The following CENATAC variants were observed in gnomAD, a reference collection of about 807,000 sequenced individuals.
CENATAC encodes the protein coiled-coil domain containing 84.
A neutral mutation model predicts 53.7 loss-of-function variants in CENATAC; 53 were observed. The observed-to-expected ratio is 0.99, with a 90% confidence interval of 0.79 to 1.24. The LOEUF (loss-of-function observed/expected upper bound fraction) is 1.24. CENATAC is among the 50% of genes most tolerant of loss of function. CENATAC has a pLI of 0.00. For missense variants in CENATAC, 474 were observed against 417.8 expected (o/e 1.13, Z -1.17); for synonymous variants, 156 against 144.6 (o/e 1.08, Z -0.57).
Position 119,015,723 on chromosome 11 carries a change from A to G in CENATAC, c.*125A>G, listed in dbSNP as rs1318478856. ...GACATACTCATTCATTTGATTTAAT[A>G]AAGTTTTATTTTTCCAAATGTACAG... is the stretch of plus-strand genomic sequence containing the variant. On this transcript the variant is annotated 3_prime_UTR_variant, in exon 11 of 11. Coordinates refer to ENST00000334418, the MANE Select transcript of CENATAC (RefSeq NM_198489.3). 1.1e-5 allele frequency: 14 copies of G among 1,296,028 alleles called. No individual in the cohort carries two copies. Among genetic ancestry groups the G allele is most frequent in the Non-Finnish European group, 1.4e-5 (13 of 912,194 alleles). 80.3% of individuals were successfully genotyped at this position (1,296,028 alleles called of 1,614,324 possible).
At chr11:119,000,102 G>T (rs995328995) in intron 3 of CENATAC, among the ~76,000 whole-genome samples, 1 of 152,172 alleles carries the variant, frequency 6.6e-6, no homozygotes, top group Non-Finnish European at 1.5e-5. Context: ...ATGGTATCTG[G>T]GAATTCATCT....
At position 119,013,462 on chromosome 11, in the gene CENATAC, A is replaced by ATT. The variant is rs34471457; in HGVS notation, c.715+218_715+219dup. 1.0e-4 allele frequency among the ~76,000 whole-genome samples: 13 copies of ATT among 126,618 alleles called. 1 individual carries two copies. Among genetic ancestry groups the ATT allele is most frequent in the African/African-American group, 2.8e-4 (9 of 32,698 alleles). The allele number at this position is 126,618 out of a possible 152,430, so 83.1% of individuals were successfully genotyped here. ...AGGTGTGCACCACCACACCCAGCTA[A>ATT]TTTTTTTTTTTTTTTTTTTGAGACG... On this transcript the variant is annotated intron_variant, in intron 8 of 10. Coordinates refer to ENST00000334418, the MANE Select transcript of CENATAC (RefSeq NM_198489.3).
In CENATAC at chr11:119,015,728, T is replaced by C. The variant is rs1367366957; in HGVS notation, c.*130T>C. 2.5e-5 allele frequency: 32 copies of C among 1,302,320 alleles called. No homozygotes were observed. Among genetic ancestry groups the C allele is most frequent in the Non-Finnish European group, 3.4e-5 (31 of 918,330 alleles). 80.7% of individuals were successfully genotyped at this position (1,302,320 alleles called of 1,614,324 possible). A position where few individuals can be genotyped will look rare whatever the true frequency, so the allele number is the denominator to read the frequency against. On this transcript the variant is annotated 3_prime_UTR_variant, in exon 11 of 11. Transcript: ENST00000334418. ...ACTCATTCATTTGATTTAATAAAGT[T>C]TTATTTTTCCAAATGTACAGCTGGT...
intron 8 of CENATAC, chr11:119,013,960 G>C (rs1943006819): frequency 6.6e-6 from 1 of 152,168 alleles, no homozygotes; most frequent in Non-Finnish European, 1.5e-5. Flanking sequence ...GTATTGGAAT[G>C]GCAGAAATTA....
chr11:119,009,081 C>G (rs1187328994), intron 3 of CENATAC, among the ~76,000 whole-genome samples: 1 of 152,134 alleles, frequency 6.6e-6, no homozygotes, highest in Non-Finnish European at 1.5e-5. Flanking sequence ...TTATGTCTTT[C>G]CTTCCTACAT....
chr11:119,001,461 G>A (rs1036766719), intron 3 of CENATAC, among the ~76,000 whole-genome samples: 5 of 151,704 alleles, frequency 3.3e-5, no homozygotes, highest in Non-Finnish European at 5.9e-5. Context: ...GTGCGATCTC[G>A]GCTCACTGCA....
At chr11:118,999,471 C>T (rs2134515602) in intron 3 of CENATAC, among the ~76,000 whole-genome samples, 1 of 151,934 alleles carries the variant, frequency 6.6e-6, no homozygotes, top group East Asian at 1.9e-4. Flanking sequence ...TTTATCTTTT[C>T]TTTTGAGACA....
Position 119,015,751 on chromosome 11 carries a change from G to A in CENATAC, c.*153G>A. The A allele has an allele frequency of 8.0e-7, 1 of 1,243,760 alleles. No individual in the cohort carries two copies. 77.0% of individuals were successfully genotyped at this position (1,243,760 alleles called of 1,614,324 possible). ...GTTTTATTTTTCCAAATGTACAGCTGGTTGGACCTGTAAAAAAAAATTAAA... is the reference window on the plus strand; with the variant it reads ...GTTTTATTTTTCCAAATGTACAGCTAGTTGGACCTGTAAAAAAAAATTAAA... On this transcript the variant is annotated 3_prime_UTR_variant, in exon 11 of 11. Transcript: ENST00000334418.
intron 2 of CENATAC, 34 bp from the exon 3 acceptor site, chr11:118,998,977 T>C (rs782498387): frequency 1.4e-6 from 2 of 1,465,694 alleles, no homozygotes; most frequent in South Asian, 2.3e-5. Context: ...TTTTATAATC[T>C]ATAGCTGAGA....
intron 3 of CENATAC, among the ~76,000 whole-genome samples, chr11:119,005,397 T>C (rs1942537005): frequency 6.7e-6 from 1 of 149,778 alleles, no homozygotes; most frequent in Non-Finnish European, 1.5e-5. Flanking sequence ...ACCCAGGAGG[T>C]GGAGCTTGCA....
In CENATAC at chr11:119,015,442, ATG is replaced by A. The variant is rs1565673520; in HGVS notation, c.938+9_938+10del. ...AATGGACGCCGCTGGCAGTCCAGGT[ATG>A]TGTGTTCAGTGCCGGGTCTCCAACC... On this transcript the variant is annotated splice_donor_5th_base_variant and intron_variant, in intron 10 of 10. Coordinates refer to ENST00000334418, the MANE Select transcript of CENATAC (RefSeq NM_198489.3). The A allele has an allele frequency of 1.9e-6, 3 of 1,614,032 alleles. No individual in the cohort carries two copies. The highest frequency in any genetic ancestry group is 1.1e-5 in the South Asian group (1 of 91,080).
chr11:119,012,500 TC>T (rs1942916494), intron 7 of CENATAC: 4 of 414,064 alleles, frequency 9.7e-6, no homozygotes, highest in African/African-American at 8.0e-5. Flanking sequence ...TAGTTCCAAC[TC>T]AACACAGGAC....
At chr11:119,015,165 G>A in intron 9 of CENATAC, 82 bp downstream of exon 9, 1 of 1,452,870 alleles carries the variant, frequency 6.9e-7, no homozygotes, top group Non-Finnish European at 9.5e-7. Context: ...GTGGCTCATG[G>A]CTATAATCCT....
intron 9 of CENATAC, 73 bp downstream of exon 9, chr11:119,015,156 T>C (rs975133871): frequency 2.1e-6 from 3 of 1,457,940 alleles, no homozygotes; most frequent in Non-Finnish European, 2.9e-6. Flanking sequence ...CTGTGTGTGG[T>C]GGCTCATGGC....
intron 3 of CENATAC, chr11:119,003,033 G>A (rs1038442050): frequency 9.6e-6 from 5 of 523,198 alleles, no homozygotes; most frequent in African/African-American, 3.9e-5. Flanking sequence ...CTATTTTGTT[G>A]GCAACATCCA....
intron 8 of CENATAC, 37 bp downstream of exon 8, chr11:119,013,299 ATT>A (rs371143734): frequency 7.5e-3 from 9,671 of 1,294,130 alleles, no homozygotes; most frequent in South Asian, 9.5e-3. Context: ...ACCCTGGGAG[ATT>A]TTTTTTTTTT....
chr11:119,009,186 TG>T (rs1217791489), intron 3 of CENATAC, among the ~76,000 whole-genome samples: 1 of 152,136 alleles, frequency 6.6e-6, no homozygotes, highest in African/African-American at 2.4e-5. Context: ...TGGAGTGCAG[TG>T]GCCCGATCTC....
intron 3 of CENATAC, among the ~76,000 whole-genome samples, chr11:119,004,314 C>G (rs894624396): frequency 1.3e-5 from 2 of 151,924 alleles, no homozygotes; most frequent in Non-Finnish European, 2.9e-5. Flanking sequence ...GTGGCACGAT[C>G]TCAGCTTACT....
At chr11:119,013,613 G>A (rs11828415) in intron 8 of CENATAC, among the ~76,000 whole-genome samples, 40,576 of 151,594 alleles carry the variant, frequency 0.27, 5,724 homozygotes, top group African/African-American at 0.33. Context: ...ACAGGCGCCC[G>A]CCACTACGCC....
Sources: gnomAD v4.1 joint callset for allele counts (sites outside exome capture counted in the v4.1 genomes callset) on GRCh38, gnomAD v4.1.1 for gene constraint, MANE v1.5 for transcripts, NCBI Gene and HGNC (gene_info 2026-07-23, HGNC 2026-07-21) for gene names.